Variants in ARMH4 observed in about 807,000 individuals in gnomAD.
The protein encoded by ARMH4 is armadillo like helical domain containing 4, also known as armadillo-like helical domain-containing protein 4.
In ARMH4, 49 loss-of-function variants were observed where a neutral mutation model predicts 61.9. That is an observed-to-expected ratio of 0.79 (90% CI 0.63 to 1.00). The LOEUF is 1.00. Among genes scored for constraint, ARMH4 ranks in the 50% least tolerant of loss-of-function variants. The pLI is 0.00. For synonymous variants in ARMH4, 368 were observed against 341.5 expected, an observed-to-expected ratio of 1.08 and a Z score of -0.85; for missense variants, 934 against 930.0, an observed-to-expected ratio of 1.00 and a Z score of -0.06.
intron 5 of ARMH4, among the ~76,000 whole-genome samples, chr14:58,087,095 C>T (rs1313125118): frequency 6.6e-6 from 1 of 152,146 alleles, no homozygotes; most frequent in Non-Finnish European, 1.5e-5. Context: ...CTGTTGGCTC[C>T]TCTAATTTCC....
At position 58,004,052 on chromosome 14, in the gene ARMH4, C is replaced by T. The variant is rs909672424; in HGVS notation, c.*684G>A. 1 of 152,142 alleles carries T rather than the reference C, an allele frequency of 6.6e-6. No homozygotes were observed. The highest frequency in any genetic ancestry group is 2.4e-5 in the African/African-American group (1 of 41,432). The allele number at this position is 152,142 out of a possible 1,614,324, so 9.4% of individuals were successfully genotyped here. A position where few individuals can be genotyped will look rare whatever the true frequency, so the allele number is the denominator to read the frequency against. On this transcript the variant is annotated 3_prime_UTR_variant, in exon 8 of 8. Coordinates refer to ENST00000267485, the MANE Select transcript of ARMH4 (RefSeq NM_001001872.4). Reference sequence around the variant, plus strand: ...CACACTATTTAAGACAGCAAACGTACATTAAGACTAAGAGTCAGTTTAATG... The same window carrying T: ...CACACTATTTAAGACAGCAAACGTATATTAAGACTAAGAGTCAGTTTAATG...
intron 5 of ARMH4, among the ~76,000 whole-genome samples, chr14:58,015,273 T>C (rs1882566785): frequency 6.6e-6 from 1 of 152,202 alleles, no homozygotes; most frequent in South Asian, 2.1e-4. Flanking sequence ...TGAAGGAGCA[T>C]GTTCCATTGA....
intron 5 of ARMH4, among the ~76,000 whole-genome samples, chr14:58,085,011 A>G (rs1885336113): frequency 6.6e-6 from 1 of 152,236 alleles, no homozygotes; most frequent in Non-Finnish European, 1.5e-5. Context: ...AGTTGGAGAC[A>G]GGGAAAAATT....
At chr14:58,122,811 G>A (rs116376180) in intron 4 of ARMH4, among the ~76,000 whole-genome samples, 1,731 of 152,228 alleles carry the variant, frequency 0.011, 38 homozygotes, top group African/African-American at 0.037. Flanking sequence ...TTATGTTGAG[G>A]GAATCACTGG....
rs754895693 is a variant in ARMH4, at chr14:58,005,102, G to C, written c.2202C>G (p.Ser734Arg). The change falls in exon 7 of 8, where the codon AGC becomes AGG. Residue 734 changes from serine (S) to arginine (R), a missense_variant. Transcript: ENST00000267485. ...GALFILGALY[S>R]IKVMNRRRRN... ...TCCTTCGGCGATTCATAACCTTAAT[G>C]CTGTAGAGGGCTCCCAAGATGAACA... The C allele has an allele frequency of 6.2e-7, 1 of 1,614,004 alleles. No homozygotes were observed. The highest frequency in any genetic ancestry group is 2.2e-5 in the East Asian group (1 of 44,884).
chr14:58,030,112 G>C (rs1008018805), intron 5 of ARMH4, among the ~76,000 whole-genome samples: 2 of 152,222 alleles, frequency 1.3e-5, no homozygotes, highest in Non-Finnish European at 2.9e-5. Flanking sequence ...CTAAGGGAAT[G>C]TGCTAAGGGA....
At chr14:58,117,442 C>T (rs1886568193) in intron 4 of ARMH4, among the ~76,000 whole-genome samples, 1 of 152,120 alleles carries the variant, frequency 6.6e-6, no homozygotes, top group Non-Finnish European at 1.5e-5. Flanking sequence ...GTAGATTTCC[C>T]CTTCAAAATG....
chr14:58,106,048 C>A (rs1886156840), intron 4 of ARMH4, among the ~76,000 whole-genome samples: 1 of 152,188 alleles, frequency 6.6e-6, no homozygotes, highest in Admixed American at 6.5e-5. Context: ...CAGTCAAAAT[C>A]CTCCCAACAA....
intron 6 of ARMH4, among the ~76,000 whole-genome samples, chr14:58,007,433 T>A (rs556934063): frequency 6.6e-5 from 10 of 152,236 alleles, no homozygotes; most frequent in Non-Finnish European, 1.3e-4. Context: ...GTGGAATGGT[T>A]ACATTTAGCT....
intron 4 of ARMH4, among the ~76,000 whole-genome samples, chr14:58,123,347 G>A (rs984080179): frequency 1.3e-5 from 2 of 152,094 alleles, no homozygotes; most frequent in African/African-American, 4.8e-5. Flanking sequence ...TTAAACTAAA[G>A]GATTCTGCCT....
At chr14:58,040,193 G>T (rs1260285412) in intron 5 of ARMH4, among the ~76,000 whole-genome samples, 1 of 151,980 alleles carries the variant, frequency 6.6e-6, no homozygotes, top group Non-Finnish European at 1.5e-5. Context: ...TGGGTTCAAG[G>T]GTACATGAGC....
intron 5 of ARMH4, among the ~76,000 whole-genome samples, chr14:58,044,040 C>T (rs1176640498): frequency 2.0e-5 from 3 of 152,074 alleles, no homozygotes; most frequent in Non-Finnish European, 4.4e-5. Context: ...CCATACTGCC[C>T]AAGGTAATTT....
chr14:58,106,553 G>A (rs1406576858), intron 4 of ARMH4, among the ~76,000 whole-genome samples: 1 of 152,190 alleles, frequency 6.6e-6, no homozygotes, highest in Non-Finnish European at 1.5e-5. Flanking sequence ...GAAATGTCCT[G>A]TTGCAAGTGG....
chr14:58,040,602 G>C (rs1883658008), intron 5 of ARMH4, among the ~76,000 whole-genome samples: 2 of 152,116 alleles, frequency 1.3e-5, no homozygotes, highest in Non-Finnish European at 2.9e-5. Flanking sequence ...CTTTCCTATT[G>C]TGAATAGTGC....
intron 6 of ARMH4, among the ~76,000 whole-genome samples, chr14:58,007,684 G>T (rs755054979): frequency 6.6e-6 from 1 of 152,184 alleles, no homozygotes; most frequent in Non-Finnish European, 1.5e-5. Flanking sequence ...CTTCAGCAAT[G>T]AAAATAAATA....
rs527666943 is a variant in ARMH4 at position 58,131,538 on chromosome 14, T to C, written c.1805A>G (p.Tyr602Cys). 1.9e-6 allele frequency: 3 copies of C among 1,614,172 alleles called. No homozygotes were observed. The highest frequency in any genetic ancestry group is 4.5e-5 in the East Asian group (2 of 44,884). The change falls in exon 4 of 8, where the codon TAT becomes TGT. Residue 602 changes from tyrosine to cysteine, a missense_variant. Tyr to Cys is a radical substitution (Grantham distance 194). Coordinates refer to ENST00000267485, the MANE Select transcript of ARMH4 (RefSeq NM_001001872.4). ...TTCAGATTCAAGTTGGTCCAGGCCA[T>C]ATGAGGCAGCTGTATTAACACGAGT... ...SITRVNTAAS[Y>C]GLDQLESEEG...
chr14:58,039,810 G>GA (rs1883623241), intron 5 of ARMH4, among the ~76,000 whole-genome samples: 1 of 152,172 alleles, frequency 6.6e-6, no homozygotes, highest in South Asian at 2.1e-4. Context: ...ACACAAAAGA[G>GA]AAATTAAGAT....
chr14:58,015,313 G>C (rs1882569426), intron 5 of ARMH4, among the ~76,000 whole-genome samples: 1 of 152,122 alleles, frequency 6.6e-6, no homozygotes, highest in Non-Finnish European at 1.5e-5. Context: ...ACACAGAGTG[G>C]GAAAGCCAGG....
intron 5 of ARMH4, among the ~76,000 whole-genome samples, chr14:58,014,695 T>G (rs1036051633): frequency 2.6e-5 from 4 of 152,192 alleles, no homozygotes; most frequent in African/African-American, 9.7e-5. Context: ...CGATCAGGCA[T>G]TATGCTCTAA....
Sources: gnomAD v4.1 joint callset for allele counts (sites outside exome capture counted in the v4.1 genomes callset) on GRCh38, gnomAD v4.1.1 for gene constraint, MANE v1.5 for transcripts, NCBI Gene and HGNC (gene_info 2026-07-23, HGNC 2026-07-21) for gene names.